The following SEZ6L variants were observed in gnomAD, a reference collection of about 807,000 sequenced individuals.
SEZ6L encodes the protein seizure 6-like protein.
SEZ6L carries 37 observed loss-of-function variants against 106.2 expected under a neutral mutation model. The ratio of observed to expected loss-of-function variants is 0.35; its 90% CI spans 0.27 to 0.46. The LOEUF (loss-of-function observed/expected upper bound fraction) is 0.46, where lower values mean the gene tolerates loss of function less well. SEZ6L is among the 20% of genes least tolerant of loss of function. The pLI is 1.00. For missense variants in SEZ6L, 1,172 were observed against 1,332.8 expected (o/e 0.88, Z 1.88); for synonymous variants, 541 against 570.4 (o/e 0.95, Z 0.73).
chr22:26,292,820 C>T lies in SEZ6L; in HGVS notation c.509C>T (p.Pro170Leu), dbSNP rs992445022. ...GAGAAGCCTGGCCCACCGGGGGACCCGGACCCCATCGTGGCCTCCGAGGAG... is the reference window on the plus strand; with the variant it reads ...GAGAAGCCTGGCCCACCGGGGGACCTGGACCCCATCGTGGCCTCCGAGGAG... ...STEKPGPPGD[P>L]DPIVASEEAS... is the part of the protein sequence containing the mutation. Residue 170 changes from proline to leucine, a missense_variant, in exon 2 of 17, where the codon CCG becomes CTG. Transcript: ENST00000248933. 1.1e-5 allele frequency: 17 copies of T among 1,613,844 alleles called. No homozygotes were observed. The East Asian group carries it at 1.1e-4, about 11-fold the overall frequency.
In SEZ6L at chr22:26,194,083, T is replaced by A. The variant is rs142768319; in HGVS notation, c.94+24320T>A. 5.1e-4 allele frequency among the ~76,000 whole-genome samples: 78 copies of A among 152,176 alleles called. 1 individual carries two copies. Among genetic ancestry groups the A allele is most frequent in the Middle Eastern group, 3.4e-3 (1 of 294 alleles). On this transcript the variant is annotated intron_variant, in intron 1 of 16. Transcript: ENST00000248933. ...ATGATCCCTCCTAGATCCCAAAGGA[T>A]GAGTAAAACTTGGCAATGTAAAGAT...
intron 1 of SEZ6L, among the ~76,000 whole-genome samples, chr22:26,258,317 T>C (rs2079891526): frequency 6.6e-6 from 1 of 152,180 alleles, no homozygotes; most frequent in South Asian, 2.1e-4. Context: ...ATAGCATGTG[T>C]CAGACATGTG....
chr22:26,326,171 C>T (rs912415276), intron 9 of SEZ6L, among the ~76,000 whole-genome samples: 1 of 152,210 alleles, frequency 6.6e-6, no homozygotes, highest in African/African-American at 2.4e-5. Flanking sequence ...GCTCTTCTCG[C>T]CTTGGTGACT....
At chr22:26,291,440 C>T (rs962344597) in intron 1 of SEZ6L, among the ~76,000 whole-genome samples, 3 of 107,666 alleles carry the variant, frequency 2.8e-5, no homozygotes, top group Non-Finnish European at 3.8e-5. Context: ...GGGCCTGTTG[C>T]GGGGTGGAGT....
intron 13 of SEZ6L, among the ~76,000 whole-genome samples, chr22:26,368,975 C>A (rs2083911014): frequency 6.6e-6 from 1 of 152,168 alleles, no homozygotes; most frequent in Admixed American, 6.5e-5. Context: ...CCCAACCAGC[C>A]AGTCACCGCA....
At chr22:26,336,316 C>T (rs1231367401) in intron 9 of SEZ6L, among the ~76,000 whole-genome samples, 1 of 152,164 alleles carries the variant, frequency 6.6e-6, no homozygotes, top group East Asian at 1.9e-4. Context: ...TGTTCTGCAC[C>T]ATCTCTAAAA....
intron 1 of SEZ6L, among the ~76,000 whole-genome samples, chr22:26,269,561 G>A (rs781033933): frequency 1.3e-5 from 2 of 152,230 alleles, no homozygotes; most frequent in African/African-American, 2.4e-5. Flanking sequence ...CCCAATCTTC[G>A]ACGCACCAGC....
chr22:26,171,780 G>C (rs1211025684), intron 1 of SEZ6L, among the ~76,000 whole-genome samples: 2 of 152,166 alleles, frequency 1.3e-5, no homozygotes, highest in Non-Finnish European at 2.9e-5. Context: ...TTCTGACTCT[G>C]AGTCATAAGG....
chr22:26,358,693 C>G (rs138676083), intron 12 of SEZ6L, among the ~76,000 whole-genome samples: 1 of 152,188 alleles, frequency 6.6e-6, no homozygotes, highest in Non-Finnish European at 1.5e-5. Context: ...GCTGGAGTTA[C>G]ACCAGTTGCA....
chr22:26,252,745 G>A (rs5761447), intron 1 of SEZ6L, among the ~76,000 whole-genome samples: 19,462 of 152,234 alleles, frequency 0.13, 1,673 homozygotes, highest in East Asian at 0.35. Context: ...TGCTAGGGAC[G>A]TGATTTTGTT....
rs114810167 is a variant in SEZ6L at position 26,178,118 on chromosome 22, A to G, written c.94+8355A>G. ...TGTTTTCAGTAAACCACTGGCGTCT[A>G]TTACCCACATGGGACATTTACATTA... On this transcript the variant is annotated intron_variant, in intron 1 of 16. Coordinates refer to ENST00000248933, the MANE Select transcript of SEZ6L (RefSeq NM_021115.5). Among the ~76,000 whole-genome samples, 559 of 152,320 alleles carry G rather than the reference A, an allele frequency of 3.7e-3. 2 individuals are homozygous for G. Among genetic ancestry groups the G allele is most frequent in the African/African-American group, 0.013 (531 of 41,572 alleles).
At chr22:26,205,983 C>G (rs2145688566) in intron 1 of SEZ6L, among the ~76,000 whole-genome samples, 1 of 152,294 alleles carries the variant, frequency 6.6e-6, no homozygotes, top group East Asian at 1.9e-4. Flanking sequence ...CCTTCACCCT[C>G]CTGTTACAGT....
chr22:26,277,978 G>A (rs1416725076), intron 1 of SEZ6L, among the ~76,000 whole-genome samples: 3 of 152,216 alleles, frequency 2.0e-5, no homozygotes, highest in Admixed American at 6.5e-5. Context: ...AAAATGCTGG[G>A]TATCTTAGAA....
chr22:26,342,068 C>T (rs2082854267), intron 10 of SEZ6L, among the ~76,000 whole-genome samples: 1 of 152,230 alleles, frequency 6.6e-6, no homozygotes, highest in Non-Finnish European at 1.5e-5. Flanking sequence ...TCATCCCTAG[C>T]TCCAAAGCTT....
At chr22:26,172,852 A>G (rs1240494114) in intron 1 of SEZ6L, among the ~76,000 whole-genome samples, 1 of 152,240 alleles carries the variant, frequency 6.6e-6, no homozygotes, top group African/African-American at 2.4e-5. Flanking sequence ...GAAAATGTCA[A>G]TCCAACTGCC....
At chr22:26,338,867 CTTTTTTT>C (rs71192914) in intron 9 of SEZ6L, among the ~76,000 whole-genome samples, 3 of 87,468 alleles carry the variant, frequency 3.4e-5, no homozygotes, top group South Asian at 4.2e-4. Context: ...TTTTTTTTTT[CTTTTTTT>C]TTTTTTTTTT....
chr22:26,283,127 G>A (rs2080826181), intron 1 of SEZ6L, among the ~76,000 whole-genome samples: 1 of 151,974 alleles, frequency 6.6e-6, no homozygotes, highest in Admixed American at 6.6e-5. Context: ...TCACCATATT[G>A]GCCAGGCTGG....
chr22:26,326,970 G>C (rs958998250), intron 9 of SEZ6L, among the ~76,000 whole-genome samples: 1 of 152,194 alleles, frequency 6.6e-6, no homozygotes, highest in African/African-American at 2.4e-5. Context: ...AGGCGGGGAC[G>C]GCCCCTGTGT....
intron 1 of SEZ6L, among the ~76,000 whole-genome samples, chr22:26,246,802 A>C (rs2079366949): frequency 6.6e-6 from 1 of 152,132 alleles, no homozygotes; most frequent in African/African-American, 2.4e-5. Flanking sequence ...TGCTGCTCTT[A>C]ATTAGAGCTA....
Sources: allele counts gnomAD v4.1 joint callset (sites outside exome capture counted in the v4.1 genomes callset), GRCh38; gene constraint gnomAD v4.1.1; transcripts MANE v1.5; gene names NCBI Gene and HGNC (gene_info 2026-07-23, HGNC 2026-07-21).